HYAL4: variants seen among roughly 807,000 people sequenced by gnomAD.
HYAL4 encodes the protein hyaluronidase 4.
In HYAL4, 37 loss-of-function variants were observed where a neutral mutation model predicts 35.2. The ratio of observed to expected loss-of-function variants is 1.05; its 90% CI spans 0.81 to 1.38. HYAL4 has a LOEUF of 1.38. Among genes scored for constraint, HYAL4 ranks in the 40% most tolerant of loss-of-function variants. HYAL4 has a pLI of 0.00. For missense variants in HYAL4, 572 were observed against 572.4 expected, an observed-to-expected ratio of 1.00 and a Z score of 0.01; for synonymous variants, 198 against 203.2, an observed-to-expected ratio of 0.97 and a Z score of 0.22.
chr7:123,765,750 A>T, the HYAL4 span, among the ~76,000 whole-genome samples: 1 of 152,106 alleles, frequency 6.6e-6, no homozygotes, highest in Non-Finnish European at 1.5e-5. Flanking sequence ...GCATCTCTTT[A>T]TCTTAGTCTT....
intron 2 of HYAL4, among the ~76,000 whole-genome samples, chr7:123,865,554 A>G (rs1806668277): frequency 6.6e-6 from 1 of 152,202 alleles, no homozygotes; most frequent in Non-Finnish European, 1.5e-5. Context: ...ATAAATGAAA[A>G]TATCTACCTC....
At chr7:123,786,994 G>A in the HYAL4 span, among the ~76,000 whole-genome samples, 1 of 151,338 alleles carries the variant, frequency 6.6e-6, no homozygotes, top group Non-Finnish European at 1.5e-5. Flanking sequence ...TGTAATCACC[G>A]CTACTTGGTA....
chr7:123,828,166 A>G (rs987361272), upstream of HYAL4, among the ~76,000 whole-genome samples: 13 of 152,132 alleles, frequency 8.5e-5, no homozygotes, highest in South Asian at 2.1e-4. Flanking sequence ...CCTATATACA[A>G]TGTACAAGTA....
At chr7:123,822,234 A>T in the HYAL4 span, among the ~76,000 whole-genome samples, 2 of 152,116 alleles carry the variant, frequency 1.3e-5, no homozygotes, top group Non-Finnish European at 2.9e-5. Flanking sequence ...ATCACTTTGG[A>T]TAGTATGGAC....
the HYAL4 span, among the ~76,000 whole-genome samples, chr7:123,777,028 G>A: frequency 5.9e-5 from 9 of 152,138 alleles, no homozygotes; most frequent in African/African-American, 1.7e-4. Context: ...TGGGAAATAC[G>A]TAGGAGAATA....
intron 2 of HYAL4, among the ~76,000 whole-genome samples, chr7:123,851,602 A>G (rs993923212): frequency 3.9e-5 from 6 of 152,118 alleles, no homozygotes; most frequent in African/African-American, 7.2e-5. Flanking sequence ...ATAGTATTCC[A>G]TGGTGTATAT....
At chr7:123,817,682 G>A in the HYAL4 span, among the ~76,000 whole-genome samples, 3 of 151,246 alleles carry the variant, frequency 2.0e-5, no homozygotes, top group South Asian at 6.3e-4. Flanking sequence ...GCTAATTTTT[G>A]TATTTTTAGT....
At chr7:123,838,418 A>G (rs1262054963) in intron 1 of HYAL4, among the ~76,000 whole-genome samples, 1 of 152,120 alleles carries the variant, frequency 6.6e-6, no homozygotes, top group Non-Finnish European at 1.5e-5. Flanking sequence ...TCAAGATCTA[A>G]TATGACGGAC....
chr7:123,828,324 G>A (rs994314806), upstream of HYAL4, among the ~76,000 whole-genome samples: 2 of 151,666 alleles, frequency 1.3e-5, no homozygotes, highest in Non-Finnish European at 2.9e-5. Flanking sequence ...CATAAAAAAT[G>A]GAAAATGTTA....
intron 2 of HYAL4, among the ~76,000 whole-genome samples, chr7:123,853,693 G>GTTT (rs879425908): frequency 2.0e-5 from 3 of 151,900 alleles, no homozygotes; most frequent in Non-Finnish European, 4.4e-5. Flanking sequence ...ATTTGTTGTT[G>GTTT]TTGTTGTGTC....
intron 2 of HYAL4, among the ~76,000 whole-genome samples, chr7:123,860,391 GTGTA>G (rs1806551466): frequency 6.6e-6 from 1 of 152,156 alleles, no homozygotes; most frequent in Non-Finnish European, 1.5e-5. Context: ...GTGTGTGTAT[GTGTA>G]TGTGTGTGTG....
chr7:123,783,834 A>G, the HYAL4 span, among the ~76,000 whole-genome samples: 1 of 152,190 alleles, frequency 6.6e-6, no homozygotes, highest in Non-Finnish European at 1.5e-5. Context: ...TGGACAGCCA[A>G]CTCTTTAAAA....
chr7:123,845,067 A>G (rs1806146891), upstream of HYAL4: 1 of 152,146 alleles, frequency 6.6e-6, no homozygotes, highest in South Asian at 2.1e-4. Flanking sequence ...TGAACCAGGT[A>G]CCTCAGTTGG....
In HYAL4 at chr7:123,876,896, G is replaced by A; in HGVS notation, c.1187G>A (p.Ser396Asn). The change falls in exon 5 of 5, where the codon AGT becomes AAT. Residue 396 changes from serine to asparagine, a missense_variant. Coordinates refer to ENST00000223026, the MANE Select transcript of HYAL4 (RefSeq NM_012269.3). ...RCIRKMWNAPSYLHLNPASYH... is the reference protein window; with the variant it reads ...RCIRKMWNAPNYLHLNPASYH... Reference sequence around the variant, plus strand: ...ATAAGGAAGATGTGGAACGCGCCCAGTTACCTTCACTTGAACCCTGCAAGT... The same window carrying A: ...ATAAGGAAGATGTGGAACGCGCCCAATTACCTTCACTTGAACCCTGCAAGT... 1 of 1,614,190 alleles carries A rather than the reference G, an allele frequency of 6.2e-7. No individual in the cohort carries two copies. The highest frequency in any genetic ancestry group is 2.2e-5 in the East Asian group (1 of 44,878).
the HYAL4 span, among the ~76,000 whole-genome samples, chr7:123,816,906 A>G: frequency 6.6e-6 from 1 of 152,206 alleles, no homozygotes; most frequent in African/African-American, 2.4e-5. Flanking sequence ...CTCAATTAAA[A>G]TAAGCGACTA....
At chr7:123,847,436 G>A (rs764879391) in intron 1 of HYAL4, among the ~76,000 whole-genome samples, 4 of 151,984 alleles carry the variant, frequency 2.6e-5, no homozygotes, top group Non-Finnish European at 4.4e-5. Context: ...TCTATTCAAC[G>A]ATTCCATTAT....
the HYAL4 span, among the ~76,000 whole-genome samples, chr7:123,788,991 T>C: frequency 1.3e-5 from 2 of 152,218 alleles, no homozygotes; most frequent in Non-Finnish European, 2.9e-5. Context: ...TTACAGTCAC[T>C]CTGATAGAAA....
chr7:123,850,121 C>T (rs1806269882), intron 2 of HYAL4, among the ~76,000 whole-genome samples: 1 of 152,168 alleles, frequency 6.6e-6, no homozygotes, highest in Admixed American at 6.5e-5. Context: ...CTGATAAATG[C>T]AATACAATTG....
chr7:123,851,887 T>G (rs762396128), intron 2 of HYAL4, among the ~76,000 whole-genome samples: 1 of 152,240 alleles, frequency 6.6e-6, no homozygotes, highest in African/African-American at 2.4e-5. Context: ...TTTCTCCACA[T>G]TCTCTGAAGC....
Sources: gnomAD v4.1 joint callset for allele counts (sites outside exome capture counted in the v4.1 genomes callset) on GRCh38, gnomAD v4.1.1 for gene constraint, MANE v1.5 for transcripts, NCBI Gene and HGNC (gene_info 2026-07-23, HGNC 2026-07-21) for gene names.